The following NOS1AP variants were observed in gnomAD, a reference collection of about 807,000 sequenced individuals.
The protein encoded by NOS1AP is nitric oxide synthase 1 adaptor protein.
Under a neutral mutation model 56.2 loss-of-function variants are expected in NOS1AP, and 21 were observed. The observed-to-expected ratio is 0.37, with a 90% confidence interval of 0.26 to 0.54. The LOEUF (loss-of-function observed/expected upper bound fraction) is 0.54, where lower values mean the gene tolerates loss of function less well. Among genes scored for constraint, NOS1AP ranks in the 20% least tolerant of loss-of-function variants. The probability of loss-of-function intolerance (pLI) is 0.84; values close to 1 mark genes in which losing one functional copy is unlikely to be tolerated. For synonymous variants in NOS1AP, 270 were observed against 274.6 expected (o/e 0.98, Z 0.17); for missense variants, 522 against 657.8 (o/e 0.79, Z 2.26).
intron 1 of NOS1AP, among the ~76,000 whole-genome samples, chr1:162,123,684 CAG>C (rs1192275386): frequency 6.6e-6 from 1 of 152,084 alleles, no homozygotes; most frequent in Non-Finnish European, 1.5e-5. Flanking sequence ...GTTTCAAACA[CAG>C]AGGAAAATTA....
intron 1 of NOS1AP, among the ~76,000 whole-genome samples, chr1:162,078,566 G>A (rs1292365422): frequency 6.6e-6 from 1 of 151,768 alleles, no homozygotes; most frequent in Non-Finnish European, 1.5e-5. Flanking sequence ...CTGTTATCAG[G>A]GCCATCAATA....
intron 1 of NOS1AP, among the ~76,000 whole-genome samples, chr1:162,082,690 T>C (rs1249520397): frequency 6.6e-6 from 1 of 152,168 alleles, no homozygotes; most frequent in Non-Finnish European, 1.5e-5. Flanking sequence ...TAATGATCAG[T>C]GATGTTGAGC....
chr1:162,321,310 G>C (rs1474072483), intron 4 of NOS1AP, among the ~76,000 whole-genome samples: 1 of 152,090 alleles, frequency 6.6e-6, no homozygotes, highest in Admixed American at 6.6e-5. Flanking sequence ...CAAAGACTTG[G>C]AACCAACCCA....
intron 2 of NOS1AP, among the ~76,000 whole-genome samples, chr1:162,228,421 A>G (rs956062388): frequency 6.6e-6 from 1 of 152,246 alleles, no homozygotes; most frequent in African/African-American, 2.4e-5. Context: ...ATGTGCCATC[A>G]GATGCCACTT....
intron 2 of NOS1AP, among the ~76,000 whole-genome samples, chr1:162,174,817 G>C (rs928376875): frequency 3.3e-5 from 5 of 152,044 alleles, no homozygotes; most frequent in Admixed American, 6.6e-5. Flanking sequence ...ATCTTGTCTG[G>C]GACCACATTT....
intron 2 of NOS1AP, among the ~76,000 whole-genome samples, chr1:162,161,757 A>G: frequency 6.6e-6 from 1 of 152,096 alleles, no homozygotes; most frequent in Admixed American, 6.6e-5. Context: ...TTTTTAAATT[A>G]TTTGTAGAGA....
At chr1:162,251,865 TTTTG>T (rs1653868966) in intron 2 of NOS1AP, among the ~76,000 whole-genome samples, 2 of 100,876 alleles carry the variant, frequency 2.0e-5, no homozygotes, top group Non-Finnish European at 4.1e-5. Flanking sequence ...TTGTTTTTTT[TTTTG>T]TTTTTTTTTT....
At chr1:162,157,184 C>T (rs1247272248) in intron 2 of NOS1AP, 1 of 154,220 alleles carries the variant, frequency 6.5e-6, no homozygotes, top group Non-Finnish European at 1.5e-5. Context: ...ATCTGCCAGC[C>T]CTTATGGCCC....
At chr1:162,261,150 A>AGAGAGAGAGAGAGAGAGAGAGAGAGAGAG (rs1557853412) in intron 2 of NOS1AP, among the ~76,000 whole-genome samples, 4 of 139,366 alleles carry the variant, frequency 2.9e-5, no homozygotes, top group Admixed American at 1.5e-4. Context: ...TGGCAGAAAC[A>AGAGAGAGAGAGAGAGAGAGAGAGAGAGAG]ACCAGTAAAT....
chr1:162,174,576 A>G (rs1037573294), intron 2 of NOS1AP, among the ~76,000 whole-genome samples: 2 of 152,234 alleles, frequency 1.3e-5, no homozygotes, highest in African/African-American at 4.8e-5. Flanking sequence ...ATAATAAAAA[A>G]TAAAAAAACT....
intron 4 of NOS1AP, among the ~76,000 whole-genome samples, chr1:162,319,572 T>G (rs1288955952): frequency 6.6e-6 from 1 of 151,842 alleles, no homozygotes; most frequent in Non-Finnish European, 1.5e-5. Flanking sequence ...CTCATGCCTT[T>G]CCACATGCAG....
chr1:162,141,224 C>T (rs1013697187), intron 1 of NOS1AP, among the ~76,000 whole-genome samples: 10 of 152,342 alleles, frequency 6.6e-5, no homozygotes, highest in Non-Finnish European at 1.3e-4. Context: ...AATTTCACTT[C>T]ATAAATGATG....
At chr1:162,357,809 T>C (rs348627) in intron 8 of NOS1AP, among the ~76,000 whole-genome samples, 91,688 of 151,612 alleles carry the variant, frequency 0.6, 29,030 homozygotes, top group East Asian at 0.72. Flanking sequence ...TAGGGGAGGG[T>C]GAGCTGATTT....
intron 1 of NOS1AP, among the ~76,000 whole-genome samples, chr1:162,151,373 T>G (rs1026583201): frequency 2.0e-5 from 3 of 152,256 alleles, no homozygotes; most frequent in Non-Finnish European, 4.4e-5. Context: ...TTCTGTAGCA[T>G]GTACATGTGC....
Position 162,367,056 on chromosome 1 carries a change from C to A in NOS1AP, c.1110C>A (p.Gly370=). The change falls in exon 10 of 10, where the codon GGC becomes GGA. Residue 370 remains glycine (G), a synonymous_variant. Transcript: ENST00000361897. This position sits in a 1 kb window ranked among gnomAD's most constrained non-coding sequence, Gnocchi z 6.5. ...TACCTCTTGTCTCCCCTGCAGTGGG[C>A]TCCCAGGACAGCTTGCTGGAGATCA... ...ELKLSGQNAM[G]SQDSLLEITF... is the part of the protein sequence containing the mutation. The A allele has an allele frequency of 6.2e-7, 1 of 1,613,926 alleles. No homozygotes were observed. The highest frequency in any genetic ancestry group is 8.5e-7 in the Non-Finnish European group (1 of 1,180,004).
intron 2 of NOS1AP, among the ~76,000 whole-genome samples, chr1:162,171,410 G>A (rs963192091): frequency 9.2e-5 from 14 of 152,094 alleles, no homozygotes; most frequent in Non-Finnish European, 1.8e-4. Context: ...GTGTCATGGG[G>A]CTGCTCATCA....
intron 1 of NOS1AP, among the ~76,000 whole-genome samples, chr1:162,130,524 C>T (rs1242163149): frequency 6.6e-6 from 1 of 152,192 alleles, no homozygotes; most frequent in Admixed American, 6.5e-5. Context: ...CTGGCACCTG[C>T]TGAAAGCCCT....
At chr1:162,073,655 T>G (rs1471474845) in intron 1 of NOS1AP, among the ~76,000 whole-genome samples, 2 of 152,218 alleles carry the variant, frequency 1.3e-5, no homozygotes, top group Non-Finnish European at 2.9e-5. Context: ...AGATGGGGCT[T>G]TCTCCGTTTT....
chr1:162,170,651 G>A (rs1469224440), intron 2 of NOS1AP, among the ~76,000 whole-genome samples: 1 of 152,154 alleles, frequency 6.6e-6, no homozygotes, highest in Non-Finnish European at 1.5e-5. Flanking sequence ...AACAGGCCAG[G>A]CGCGGTGGCT....
Sources: gnomAD v4.1 joint callset for allele counts (sites outside exome capture counted in the v4.1 genomes callset) on GRCh38, gnomAD v4.1.1 for gene constraint, Gnocchi (gnomAD v3.1) non-coding constraint, MANE v1.5 for transcripts, NCBI Gene and HGNC (gene_info 2026-07-23, HGNC 2026-07-21) for gene names.